Variants in PADI4 observed in about 807,000 individuals in gnomAD.
The protein encoded by PADI4 is peptidyl arginine deiminase 4, also known as protein-arginine deiminase type-4.
A neutral mutation model predicts 75.0 loss-of-function variants in PADI4; 62 were observed. That is an observed-to-expected ratio of 0.83 (90% CI 0.67 to 1.02). The LOEUF (loss-of-function observed/expected upper bound fraction) is 1.02. Among genes scored for constraint, PADI4 ranks in the 50% least tolerant of loss-of-function variants. PADI4 has a pLI of 0.00. For missense variants in PADI4, 845 were observed against 850.5 expected (o/e 0.99, Z 0.08); for synonymous variants, 361 against 348.1 (o/e 1.04, Z -0.41).
In PADI4 at chr1:17,342,377, C is replaced by A. The variant is rs1406529388; in HGVS notation, c.910C>A (p.Pro304Thr). ...CTGGATCATGACCCCCAACACCCAG[C>A]CCCCGCAGGAGGTGTACGCGTGCAG... is the stretch of plus-strand genomic sequence containing the variant. Reference protein sequence around the residue: ...APWIMTPNTQPPQEVYACSIF... With the variant: ...APWIMTPNTQTPQEVYACSIF... Residue 304 changes from proline (P) to threonine (T), a missense_variant, in exon 8 of 16, where the codon CCC (proline) becomes ACC (threonine). Physicochemically the swap from Pro to Thr is conservative, Grantham distance 38. Transcript: ENST00000375448. 6.2e-7 allele frequency: 1 copy of A among 1,612,736 alleles called. No homozygotes were observed. The highest frequency in any genetic ancestry group is 2.2e-5 in the East Asian group (1 of 44,880).
chr1:17,347,156 C>T (rs572640976), intron 9 of PADI4, among the ~76,000 whole-genome samples: 7 of 152,182 alleles, frequency 4.6e-5, no homozygotes, highest in Non-Finnish European at 7.4e-5. Context: ...AGGCTGGTCT[C>T]GAACTCCTGA....
chr1:17,326,913 T>TTC (rs2074125797), intron 1 of PADI4, among the ~76,000 whole-genome samples: 1 of 150,794 alleles, frequency 6.6e-6, no homozygotes, highest in African/African-American at 2.4e-5. Context: ...GCTTTTTTTT[T>TTC]TTTTTTTGAG....
At chr1:17,348,952 T>G (rs767094278) in intron 10 of PADI4, among the ~76,000 whole-genome samples, 5 of 152,158 alleles carry the variant, frequency 3.3e-5, no homozygotes, top group Non-Finnish European at 7.3e-5. Context: ...CCGACAAGCA[T>G]CTGTACTGTG....
At chr1:17,312,317 G>A (rs139893489) in intron 1 of PADI4, among the ~76,000 whole-genome samples, 99 of 152,104 alleles carry the variant, frequency 6.5e-4, no homozygotes, top group Middle Eastern at 3.4e-3. Context: ...AAAATTAGCC[G>A]GGCGTGGTGG....
At chr1:17,345,938 C>T (rs925153404) in intron 8 of PADI4, 90 bp from the exon 9 acceptor site, 4 of 804,504 alleles carry the variant, frequency 5.0e-6, no homozygotes, top group South Asian at 3.1e-5. Flanking sequence ...CCACAGGTGA[C>T]CCCTGAGCCA....
At chr1:17,363,245 A>G (rs2100267086) in intron 15 of PADI4, among the ~76,000 whole-genome samples, 1 of 152,312 alleles carries the variant, frequency 6.6e-6, no homozygotes, top group East Asian at 1.9e-4. Flanking sequence ...CAGCCTCCAA[A>G]GTAGCTGGGA....
chr1:17,352,291 A>C (rs2100231755), intron 10 of PADI4, among the ~76,000 whole-genome samples: 1 of 151,686 alleles, frequency 6.6e-6, no homozygotes, highest in South Asian at 2.1e-4. Context: ...GGGCAGTAGA[A>C]GAGGCTGTGG....
At chr1:17,349,714 A>AAAAAG (rs1553148555) in intron 10 of PADI4, among the ~76,000 whole-genome samples, 1,538 of 116,392 alleles carry the variant, frequency 0.013, 126 homozygotes, top group African/African-American at 0.037. Context: ...AAAAAAAAAA[A>AAAAAG]AAAGAAAGAA....
rs2074723202 is a variant in PADI4, at chr1:17,354,409, G to GT, written c.1156-123dup. The GT allele has an allele frequency of 5.0e-6, 4 of 793,552 alleles. No homozygotes were observed. In the South Asian group the frequency reaches 5.9e-5, roughly 12 times the overall value. The allele number at this position is 793,552 out of a possible 1,614,324, so 49.2% of individuals were successfully genotyped here. A position where few individuals can be genotyped will look rare whatever the true frequency, so the allele number is the denominator to read the frequency against. On this transcript the variant is annotated intron_variant, in intron 10 of 15. Coordinates refer to ENST00000375448, the MANE Select transcript of PADI4 (RefSeq NM_012387.3). ...CACATGTGATAACAGCACCTGCTATGTGCCAGCTGTAGACGGTACTGAGTT... is the reference window on the plus strand; with the variant it reads ...CACATGTGATAACAGCACCTGCTATGTTGCCAGCTGTAGACGGTACTGAGTT...
At chr1:17,363,115 C>A (rs1323010366) in intron 15 of PADI4, among the ~76,000 whole-genome samples, 1 of 150,880 alleles carries the variant, frequency 6.6e-6, no homozygotes, top group East Asian at 2.0e-4. Flanking sequence ...CCACACCCAG[C>A]AATTTTTATT....
At chr1:17,358,764 C>T (rs2074802692) in intron 13 of PADI4, 74 bp from the exon 14 acceptor site, 2 of 925,344 alleles carry the variant, frequency 2.2e-6, no homozygotes, top group East Asian at 2.6e-5. Context: ...CTGAGTCCCC[C>T]CCCGGCACTG....
rs75647267 is a variant in PADI4, at chr1:17,350,882, A to G, written c.1155+2834A>G. 8.1e-3 allele frequency among the ~76,000 whole-genome samples: 1,046 copies of G among 128,786 alleles called. 109 individuals are homozygous for G. Among genetic ancestry groups the G allele is most frequent in the African/African-American group, 0.024 (974 of 39,944 alleles). The allele number at this position is 128,786 out of a possible 152,430, so 84.5% of individuals were successfully genotyped here. The stretch of plus-strand genomic sequence containing the variant: ...ACAAAGCAGTTATATGGTTCCTTAG[A>G]AGGGGATGTCAAGAGCTACAGGTGC... On this transcript the variant is annotated intron_variant, in intron 10 of 15. Transcript: ENST00000375448.
intron 8 of PADI4, among the ~76,000 whole-genome samples, chr1:17,344,285 G>A (rs939906662): frequency 8.5e-5 from 13 of 152,214 alleles, no homozygotes; most frequent in Non-Finnish European, 1.0e-4. Flanking sequence ...AGGCATTCAA[G>A]AGGTGACTTG....
At chr1:17,359,510 C>T in intron 15 of PADI4, 102 bp downstream of exon 15, 1 of 1,500,434 alleles carries the variant, frequency 6.7e-7, no homozygotes. Flanking sequence ...CTTGGCTCCT[C>T]TCTGTAACCG....
chr1:17,358,586 A>C (rs373840676), intron 13 of PADI4, among the ~76,000 whole-genome samples: 2 of 11,328 alleles, frequency 1.8e-4, no homozygotes, highest in Non-Finnish European at 1.6e-4. Context: ...AAAAATAATA[A>C]TAAAAATAAA....
At chr1:17,351,193 T>G in intron 10 of PADI4, among the ~76,000 whole-genome samples, 1 of 97,376 alleles carries the variant, frequency 1.0e-5, no homozygotes, top group Non-Finnish European at 2.1e-5. Context: ...TGAGACCTTG[T>G]CCCAGAGGAA....
chr1:17,354,169 CA>C (rs1376926622), intron 10 of PADI4, among the ~76,000 whole-genome samples: 2 of 151,986 alleles, frequency 1.3e-5, no homozygotes, highest in African/African-American at 2.4e-5. Context: ...TTCCTTGAAC[CA>C]GGGGCGGAGG....
At chr1:17,352,063 G>T (rs1179061906) in intron 10 of PADI4, among the ~76,000 whole-genome samples, 1 of 133,900 alleles carries the variant, frequency 7.5e-6, no homozygotes, top group Non-Finnish European at 1.6e-5. Flanking sequence ...GAGGTGATGG[G>T]AGGTGGGAAG....
chr1:17,339,962 C>G, intron 6 of PADI4, 149 bp downstream of exon 6: 2 of 775,506 alleles, frequency 2.6e-6, no homozygotes, highest in Non-Finnish European at 4.1e-6. Flanking sequence ...CAGACGACAT[C>G]TCGTCTACTA....
Sources: allele counts gnomAD v4.1 joint callset (sites outside exome capture counted in the v4.1 genomes callset), GRCh38; gene constraint gnomAD v4.1.1; transcripts MANE v1.5; gene names NCBI Gene and HGNC (gene_info 2026-07-23, HGNC 2026-07-21).